CERKL: variants seen among roughly 807,000 people sequenced by gnomAD.
The protein encoded by CERKL is CERK like autophagy regulator.
Under a neutral mutation model 63.4 loss-of-function variants are expected in CERKL, and 61 were observed. The ratio of observed to expected loss-of-function variants is 0.96; its 90% CI spans 0.78 to 1.19. The LOEUF is 1.19. CERKL is among the 50% of genes most tolerant of loss of function. The probability of loss-of-function intolerance (pLI) is 0.00; values close to 1 mark genes in which losing one functional copy is unlikely to be tolerated. For missense variants in CERKL, 675 were observed against 655.5 expected, an observed-to-expected ratio of 1.03 and a Z score of -0.33; for synonymous variants, 250 against 230.5, an observed-to-expected ratio of 1.08 and a Z score of -0.77.
intron 11 of CERKL, among the ~76,000 whole-genome samples, chr2:181,542,240 A>C (rs1448616792): frequency 6.6e-6 from 1 of 152,154 alleles, no homozygotes; most frequent in Non-Finnish European, 1.5e-5. Context: ...TTTTACACAG[A>C]GATGGGGAAG....
intron 2 of CERKL, among the ~76,000 whole-genome samples, chr2:181,592,498 T>C (rs544860749): frequency 6.6e-6 from 1 of 152,304 alleles, no homozygotes; most frequent in Admixed American, 6.5e-5. Flanking sequence ...TATTTATATA[T>C]TTGACGCCCA....
At chr2:181,538,282 T>G in intron 12 of CERKL, 38 bp from the exon 13 acceptor site, 2 of 1,321,562 alleles carry the variant, frequency 1.5e-6, no homozygotes, top group South Asian at 2.4e-5. Context: ...ACTTATTTTG[T>G]TGTTTTTCAC....
chr2:181,549,856 A>C, intron 5 of CERKL, 148 bp from the exon 6 acceptor site: 4 of 679,248 alleles, frequency 5.9e-6, no homozygotes, highest in Non-Finnish European at 1.1e-5. Context: ...TGTGAATATT[A>C]GAAGTTTAAG....
chr2:181,574,882 G>C (rs1298269834), intron 2 of CERKL, among the ~76,000 whole-genome samples: 1 of 152,116 alleles, frequency 6.6e-6, no homozygotes, highest in East Asian at 1.9e-4. Flanking sequence ...TATTTCAACA[G>C]GACATACTGT....
Position 181,538,212 on chromosome 2 carries a change from C to G in CERKL, c.1571G>C (p.Gly524Ala). The part of the protein sequence containing the change: ...LHPRLISLYG[G>A]SMEEMIPK The stretch of plus-strand genomic sequence containing the variant: ...CTTTGGAATCATTTCTTCCATGCTT[C>G]CTCCATAAAGACTGATAAGTCTTGG... Residue 524 changes from glycine to alanine, a missense_variant, in exon 13 of 13, where the codon GGA (glycine) becomes GCA (alanine). Transcript: ENST00000410087. 6.3e-7 allele frequency: 1 copy of G among 1,587,402 alleles called. No individual in the cohort carries two copies. The highest frequency in any genetic ancestry group is 8.6e-7 in the Non-Finnish European group (1 of 1,156,796).
chr2:181,617,498 G>A (rs1436189732), intron 1 of CERKL: 8 of 152,140 alleles, frequency 5.3e-5, no homozygotes, highest in African/African-American at 1.2e-4. Context: ...ATAAAGTTTT[G>A]AGTAAAATTA....
chr2:181,586,635 G>A (rs1218488857), intron 2 of CERKL, among the ~76,000 whole-genome samples: 6 of 152,114 alleles, frequency 3.9e-5, no homozygotes, highest in Non-Finnish European at 7.4e-5. Context: ...TTTTTAGCAC[G>A]CCAGTTTGCA....
chr2:181,544,170 G>A (rs181493128), intron 11 of CERKL, among the ~76,000 whole-genome samples: 1 of 152,100 alleles, frequency 6.6e-6, no homozygotes. Flanking sequence ...TCTCTTTAAA[G>A]CAAATCACTT....
intron 1 of CERKL, among the ~76,000 whole-genome samples, chr2:181,651,908 T>TA (rs1687955059): frequency 3.8e-5 from 1 of 26,592 alleles, no homozygotes; most frequent in South Asian, 5.8e-3. Context: ...TTTATAGTAC[T>TA]TTTTTAAAAA....
At chr2:181,655,323 T>G (rs1189960028) in intron 1 of CERKL, among the ~76,000 whole-genome samples, 1 of 152,230 alleles carries the variant, frequency 6.6e-6, no homozygotes, top group Non-Finnish European at 1.5e-5. Context: ...TTGTATGACC[T>G]CTCATTGCAC....
chr2:181,538,840 C>T (rs1224520294), intron 12 of CERKL, among the ~76,000 whole-genome samples: 2 of 152,124 alleles, frequency 1.3e-5, no homozygotes, highest in African/African-American at 2.4e-5. Flanking sequence ...TTATGCACAA[C>T]AATAAATTAG....
chr2:181,538,194 A>G lies in CERKL; in HGVS notation c.1589T>C (p.Ile530Thr), dbSNP rs1383978173. 5.1e-6 allele frequency: 8 copies of G among 1,576,864 alleles called. No homozygotes were observed. The highest frequency in any genetic ancestry group is 6.1e-6 in the Non-Finnish European group (7 of 1,147,444). The change falls in exon 13 of 13, where the codon ATT becomes ACT. Residue 530 changes from isoleucine (I) to threonine (T), a missense_variant. Physicochemically the swap from Ile to Thr is moderately conservative, Grantham distance 89. Transcript: ENST00000410087. ...AGAAACAATTACATGTTACTTTGGA[A>G]TCATTTCTTCCATGCTTCCTCCATA... ...SLYGGSMEEMIPK is the reference protein window; with the variant it reads ...SLYGGSMEEMTPK
At chr2:181,647,296 CTG>C (rs1687710445) in intron 1 of CERKL, among the ~76,000 whole-genome samples, 1 of 152,188 alleles carries the variant, frequency 6.6e-6, no homozygotes, top group Admixed American at 6.5e-5. Flanking sequence ...ATAAAGAACA[CTG>C]TGAGCCAGAC....
intron 2 of CERKL, 130 bp downstream of exon 2, chr2:181,603,707 C>T (rs373264881): frequency 5.3e-5 from 51 of 961,658 alleles, no homozygotes; most frequent in South Asian, 9.2e-5. Context: ...CACTTTCTCA[C>T]GACAAAAACT....
At chr2:181,599,333 C>T (rs972310777) in intron 2 of CERKL, among the ~76,000 whole-genome samples, 5 of 151,862 alleles carry the variant, frequency 3.3e-5, no homozygotes, top group East Asian at 1.9e-4. Context: ...TTCAGGAGTT[C>T]GAGACCAGCT....
intron 2 of CERKL, among the ~76,000 whole-genome samples, chr2:181,580,148 A>T (rs1451541416): frequency 1.3e-5 from 2 of 151,940 alleles, no homozygotes; most frequent in African/African-American, 4.8e-5. Context: ...TCTTAAGATC[A>T]AATAATACTT....
At chr2:181,587,892 T>A (rs1684831559) in intron 2 of CERKL, among the ~76,000 whole-genome samples, 1 of 152,096 alleles carries the variant, frequency 6.6e-6, no homozygotes, top group Non-Finnish European at 1.5e-5. Context: ...CCAAAAAAAA[T>A]AATTTTTAGC....
At chr2:181,571,900 C>T (rs1294223559) in intron 3 of CERKL, among the ~76,000 whole-genome samples, 1 of 152,168 alleles carries the variant, frequency 6.6e-6, no homozygotes, top group East Asian at 1.9e-4. Flanking sequence ...AGGATTAAAG[C>T]ATGTTGGGTC....
At chr2:181,544,533 G>A (rs113985232) in intron 11 of CERKL, among the ~76,000 whole-genome samples, 167 bp downstream of exon 11, 26 of 152,076 alleles carry the variant, frequency 1.7e-4, no homozygotes, top group East Asian at 3.9e-4. Context: ...TAATCCTGGC[G>A]GATGCTTTTC....
Sources: gnomAD v4.1 joint callset for allele counts (sites outside exome capture counted in the v4.1 genomes callset) on GRCh38, gnomAD v4.1.1 for gene constraint, MANE v1.5 for transcripts, NCBI Gene and HGNC (gene_info 2026-07-23, HGNC 2026-07-21) for gene names.